CSGALNACT1: variants seen among roughly 807,000 people sequenced by gnomAD.
The protein encoded by CSGALNACT1 is chondroitin sulfate N-acetylgalactosaminyltransferase 1, also known as beta4GalNAcT-1.
Under a neutral mutation model 51.0 loss-of-function variants are expected in CSGALNACT1, and 52 were observed. The observed-to-expected ratio is 1.02, with a 90% confidence interval of 0.82 to 1.29. CSGALNACT1 has a LOEUF of 1.29. Among genes scored for constraint, CSGALNACT1 ranks in the 50% most tolerant of loss-of-function variants. CSGALNACT1 has a pLI of 0.00. For missense variants in CSGALNACT1, 935 were observed against 679.2 expected (o/e 1.38, Z -4.19); for synonymous variants, 341 against 254.4 (o/e 1.34, Z -3.24).
chr8:19,594,450 A>T (rs535289812), intron 2 of CSGALNACT1, among the ~76,000 whole-genome samples: 4 of 152,326 alleles, frequency 2.6e-5, no homozygotes, highest in Admixed American at 6.5e-5. Context: ...TTGAGACTCA[A>T]ACACACAAGG....
intron 3 of CSGALNACT1, among the ~76,000 whole-genome samples, chr8:19,507,647 C>T (rs539420148): frequency 3.3e-5 from 5 of 150,438 alleles, no homozygotes; most frequent in Admixed American, 6.6e-5. Flanking sequence ...TTCTCTTTGT[C>T]GAGACAGAGT....
chr8:19,556,015 A>G (rs2089626357), intron 3 of CSGALNACT1, among the ~76,000 whole-genome samples: 1 of 152,174 alleles, frequency 6.6e-6, no homozygotes, highest in Non-Finnish European at 1.5e-5. Context: ...ACCCTCGAAG[A>G]TAAGAACGAT....
At chr8:19,431,878 T>C (rs1274608255) in intron 6 of CSGALNACT1, among the ~76,000 whole-genome samples, 1 of 152,138 alleles carries the variant, frequency 6.6e-6, no homozygotes. Flanking sequence ...TGTATTCCTC[T>C]GTTCCCTCTC....
chr8:19,422,916 T>A (rs1445404848), intron 6 of CSGALNACT1, among the ~76,000 whole-genome samples: 2 of 152,244 alleles, frequency 1.3e-5, no homozygotes. Flanking sequence ...GTATTTAATA[T>A]ATACAGCCAG....
In CSGALNACT1 at chr8:19,464,774, C is replaced by T. The variant is rs147711102; in HGVS notation, c.635-6132G>A. 2.2e-3 allele frequency among the ~76,000 whole-genome samples: 328 copies of T among 152,242 alleles called. 3 individuals are homozygous for T. Among genetic ancestry groups the T allele is most frequent in the African/African-American group, 7.5e-3 (311 of 41,544 alleles). Reference sequence around the variant, plus strand: ...TGTAACAGTTTCATCCCAAAACCACCACCTTCCCCTTGTTGTGGAATTGTC... The same window carrying T: ...TGTAACAGTTTCATCCCAAAACCACTACCTTCCCCTTGTTGTGGAATTGTC... On this transcript the variant is annotated intron_variant, in intron 4 of 9. Transcript: ENST00000454498.
chr8:19,648,617 G>T (rs1348880432), intron 1 of CSGALNACT1, among the ~76,000 whole-genome samples: 1 of 152,114 alleles, frequency 6.6e-6, no homozygotes, highest in Non-Finnish European at 1.5e-5. Flanking sequence ...AGACTAGCCT[G>T]GGCCACATGG....
intron 4 of CSGALNACT1, among the ~76,000 whole-genome samples, chr8:19,499,486 G>GT (rs1406605977): frequency 2.6e-5 from 4 of 152,004 alleles, no homozygotes; most frequent in South Asian, 2.1e-4. Context: ...AACAAATAAC[G>GT]TTTTTTTCCC....
intron 3 of CSGALNACT1, among the ~76,000 whole-genome samples, chr8:19,567,069 G>T (rs2042044662): frequency 1.3e-5 from 2 of 152,112 alleles, no homozygotes; most frequent in Admixed American, 6.5e-5. Context: ...GTTTTCACTG[G>T]TCAATGCAAA....
At chr8:19,669,755 A>T (rs1041336183) in intron 1 of CSGALNACT1, among the ~76,000 whole-genome samples, 1 of 152,190 alleles carries the variant, frequency 6.6e-6, no homozygotes, top group East Asian at 1.9e-4. Flanking sequence ...GATTACAGGC[A>T]TGGGCCACTG....
chr8:19,469,850 T>C (rs191375601), intron 4 of CSGALNACT1, among the ~76,000 whole-genome samples: 4 of 152,258 alleles, frequency 2.6e-5, no homozygotes, highest in Admixed American at 2.6e-4. Flanking sequence ...CTTCCTGCCA[T>C]GGGAAGGTAC....
At chr8:19,656,093 G>A (rs1463876209) in intron 1 of CSGALNACT1, among the ~76,000 whole-genome samples, 1 of 152,096 alleles carries the variant, frequency 6.6e-6, no homozygotes, top group Non-Finnish European at 1.5e-5. Flanking sequence ...CACAACTCTG[G>A]GAACTCCATT....
chr8:19,618,266 G>C (rs1278770268), intron 1 of CSGALNACT1, among the ~76,000 whole-genome samples: 1 of 152,004 alleles, frequency 6.6e-6, no homozygotes, highest in African/African-American at 2.4e-5. Flanking sequence ...TCTATGTCTC[G>C]GCAAAATATA....
intron 3 of CSGALNACT1, among the ~76,000 whole-genome samples, chr8:19,584,506 A>G (rs1229651611): frequency 6.6e-6 from 1 of 152,222 alleles, no homozygotes; most frequent in Admixed American, 6.5e-5. Flanking sequence ...TTTGTATTAC[A>G]TGGTGATATC....
chr8:19,646,259 T>G (rs949678381), intron 1 of CSGALNACT1, among the ~76,000 whole-genome samples: 3 of 152,132 alleles, frequency 2.0e-5, no homozygotes, highest in Admixed American at 6.5e-5. Flanking sequence ...CGTAAGAGAA[T>G]TAGACAATGA....
At chr8:19,607,470 C>T (rs535240012), upstream of CSGALNACT1, among the ~76,000 whole-genome samples, 1 of 152,260 alleles carries the variant, frequency 6.6e-6, no homozygotes, top group South Asian at 2.1e-4. Context: ...GCTGATGGAC[C>T]TCCGTAAAAG....
intron 1 of CSGALNACT1, among the ~76,000 whole-genome samples, chr8:19,619,822 A>G (rs994914910): frequency 2.0e-4 from 31 of 152,214 alleles, no homozygotes; most frequent in Non-Finnish European, 4.0e-4. Flanking sequence ...TACTTGAGAG[A>G]TTAGAGAGTA....
intron 1 of CSGALNACT1, among the ~76,000 whole-genome samples, chr8:19,726,833 A>G (rs2063428323): frequency 1.3e-5 from 2 of 152,214 alleles, no homozygotes; most frequent in South Asian, 4.1e-4. Context: ...GATTCTGACT[A>G]ACTTCAACAA....
intron 1 of CSGALNACT1, among the ~76,000 whole-genome samples, chr8:19,755,457 A>AAAAAAAAAG (rs2065302396): frequency 6.1e-5 from 1 of 16,338 alleles, no homozygotes; most frequent in Non-Finnish European, 1.1e-4. Flanking sequence ...AAAGAAAGAC[A>AAAAAAAAAG]AAAAAAAAAA....
intron 1 of CSGALNACT1, among the ~76,000 whole-genome samples, chr8:19,688,167 G>A (rs1035223849): frequency 5.3e-5 from 8 of 152,110 alleles, no homozygotes; most frequent in African/African-American, 9.7e-5. Flanking sequence ...TGGAGACATC[G>A]GTGGGGCCTT....
Sources: allele counts gnomAD v4.1 joint callset (sites outside exome capture counted in the v4.1 genomes callset), GRCh38; gene constraint gnomAD v4.1.1; transcripts MANE v1.5; gene names NCBI Gene and HGNC (gene_info 2026-07-23, HGNC 2026-07-21).